The following PRSS3 variants were observed in gnomAD, a reference collection of about 807,000 sequenced individuals.
PRSS3 encodes the protein trypsin-3.
Under a neutral mutation model 20.8 loss-of-function variants are expected in PRSS3, and 14 were observed. The observed-to-expected ratio is 0.67, with a 90% CI of 0.44 to 1.05. PRSS3 has a LOEUF of 1.05. PRSS3 is among the 50% of genes least tolerant of loss of function. PRSS3 has a pLI of 0.00. For synonymous variants in PRSS3, 91 were observed against 117.6 expected (o/e 0.77, Z 1.46); for missense variants, 237 against 306.4 (o/e 0.77, Z 1.69).
At chr9:33,775,848 G>A (rs1324383452) in intron 1 of PRSS3, among the ~76,000 whole-genome samples, 1 of 151,740 alleles carries the variant, frequency 6.6e-6, no homozygotes, top group Non-Finnish European at 1.5e-5. Context: ...GATTACAGGC[G>A]CCCACTACCA....
At chr9:33,781,664 A>G (rs996412418) in intron 1 of PRSS3, among the ~76,000 whole-genome samples, 3 of 152,244 alleles carry the variant, frequency 2.0e-5, no homozygotes, top group African/African-American at 7.2e-5. Flanking sequence ...GGAATTTTAA[A>G]AAGACTAAAT....
In PRSS3 at chr9:33,771,629, G is replaced by GTT. The variant is rs1215528117; in HGVS notation, c.-53+20908_-53+20909dup. Among the ~76,000 whole-genome samples, 64 of 115,212 alleles carry GTT rather than the reference G, an allele frequency of 5.6e-4. 1 individual carries two copies. The highest frequency in any genetic ancestry group is 7.4e-4 in the African/African-American group (21 of 28,510). The allele number at this position is 115,212 out of a possible 152,430, so 75.6% of individuals were successfully genotyped here. A position where few individuals can be genotyped will look rare whatever the true frequency, so the allele number is the denominator to read the frequency against. ...GGCATGAGCCACTGCACTGGGTTTT[G>GTT]TTTTTTTGTTTTTTTGTTTTTTTTT... On this transcript the variant is annotated intron_variant, in intron 1 of 5. Coordinates refer to the PRSS3 transcript ENST00000342836.
At chr9:33,777,883 T>C (rs1173571623) in intron 1 of PRSS3, among the ~76,000 whole-genome samples, 2 of 152,108 alleles carry the variant, frequency 1.3e-5, no homozygotes, top group African/African-American at 4.8e-5. Context: ...ATACAGTAAG[T>C]AGACAAATAG....
intron 1 of PRSS3, among the ~76,000 whole-genome samples, chr9:33,755,870 G>A (rs897187413): frequency 2.0e-4 from 31 of 152,296 alleles, no homozygotes; most frequent in African/African-American, 6.5e-4. Context: ...AATTTTCTAA[G>A]CACATCTGAA....
At chr9:33,777,531 C>CAAAAAAAAAAAAAAAAAAAAAAAAAAA (rs74180503) in intron 1 of PRSS3, among the ~76,000 whole-genome samples, 1 of 101,874 alleles carries the variant, frequency 9.8e-6, no homozygotes, top group Non-Finnish European at 1.9e-5. Flanking sequence ...CTAAAAATAC[C>CAAAAAAAAAAAAAAAAAAAAAAAAAAA]AAAAAAAAAA....
chr9:33,779,355 T>C (rs527956078), intron 1 of PRSS3, among the ~76,000 whole-genome samples: 1 of 152,260 alleles, frequency 6.6e-6, no homozygotes, highest in East Asian at 1.9e-4. Context: ...GGTAAAATGA[T>C]CCAAGAACTG....
intron 1 of PRSS3, among the ~76,000 whole-genome samples, chr9:33,789,981 G>T (rs570611852): frequency 1.3e-5 from 2 of 152,048 alleles, no homozygotes; most frequent in Non-Finnish European, 2.9e-5. Flanking sequence ...AGAAAGTGAT[G>T]CAATTATCTG....
chr9:33,792,832 C>T (rs2006226), upstream of PRSS3, among the ~76,000 whole-genome samples: 1,252 of 152,292 alleles, frequency 8.2e-3, 13 homozygotes, highest in African/African-American at 0.028. Flanking sequence ...TCACTGTTAT[C>T]AAAATTGAAG....
rs552189074 is a variant in PRSS3, at chr9:33,776,949, T to C, written c.-52-17797T>C. On this transcript the variant is annotated intron_variant, in intron 1 of 5. Transcript: ENST00000342836. ...TAATTAAAAAGTATATTGAAAGATA[T>C]AAAAAGAATTTCAGAAAAATAATCT... 1.8e-4 allele frequency among the ~76,000 whole-genome samples: 28 copies of C among 152,162 alleles called. 1 individual carries two copies. The South Asian group carries it at 5.8e-3, about 32-fold the overall frequency.
Position 33,750,852 on chromosome 9 carries a change from G to A in PRSS3, c.-53+125G>A. On this transcript the variant is annotated intron_variant, in intron 1 of 5. Coordinates refer to the PRSS3 transcript ENST00000342836. This position sits in a 1 kb window ranked among gnomAD's most constrained non-coding sequence, Gnocchi z 4.8. ...GACTCGCATGGGACCTGCGGGGGAG[G>A]GTACGCGGACAGGGAGGGGATACCG... 1 of 1,385,020 alleles carries A rather than the reference G, an allele frequency of 7.2e-7. No homozygotes were observed. The highest frequency in any genetic ancestry group is 9.3e-7 in the Non-Finnish European group (1 of 1,076,352). The allele number at this position is 1,385,020 out of a possible 1,614,324, so 85.8% of individuals were successfully genotyped here. A position where few individuals can be genotyped will look rare whatever the true frequency, so the allele number is the denominator to read the frequency against.
chr9:33,773,983 C>T (rs1823814524), intron 1 of PRSS3, among the ~76,000 whole-genome samples: 1 of 152,120 alleles, frequency 6.6e-6, no homozygotes, highest in Non-Finnish European at 1.5e-5. Flanking sequence ...GTAAGTTTGT[C>T]CTTAGATTGA....
intron 1 of PRSS3, among the ~76,000 whole-genome samples, chr9:33,780,863 T>C (rs1342219799): frequency 6.6e-6 from 1 of 152,180 alleles, no homozygotes; most frequent in Non-Finnish European, 1.5e-5. Context: ...CATCCAACAT[T>C]GGAGCACCCA....
chr9:33,785,468 C>T (rs1470052019), intron 1 of PRSS3, among the ~76,000 whole-genome samples: 5 of 152,072 alleles, frequency 3.3e-5, no homozygotes, highest in Non-Finnish European at 7.3e-5. Flanking sequence ...TGAGCCACCG[C>T]GCCCGGCCCA....
chr9:33,761,723 A>G (rs1823216904), intron 1 of PRSS3, among the ~76,000 whole-genome samples: 1 of 151,632 alleles, frequency 6.6e-6, no homozygotes, highest in Admixed American at 6.6e-5. Flanking sequence ...AAAATAAAAT[A>G]AAATAATTAG....
intron 1 of PRSS3, among the ~76,000 whole-genome samples, chr9:33,765,806 A>G (rs1194440045): frequency 6.6e-6 from 1 of 152,238 alleles, no homozygotes; most frequent in East Asian, 1.9e-4. Flanking sequence ...AAATCCATGG[A>G]TAAGGGGAGA....
upstream of PRSS3, among the ~76,000 whole-genome samples, chr9:33,794,133 G>C (rs532870160): frequency 5.9e-5 from 9 of 152,332 alleles, no homozygotes; most frequent in South Asian, 1.0e-3. Flanking sequence ...ATTCCCTCTG[G>C]TTTCCATTTG....
At chr9:33,751,378 C>T (rs965107131) in intron 1 of PRSS3, among the ~76,000 whole-genome samples, 1 of 152,142 alleles carries the variant, frequency 6.6e-6, no homozygotes, top group Non-Finnish European at 1.5e-5. Context: ...TGGATGGAAG[C>T]GGATGTCAGG....
rs74180504 is a variant in PRSS3 at position 33,785,160 on chromosome 9, A to ATTTTTTTTTTTTTTT, written c.-52-9565_-52-9551dup. Among the ~76,000 whole-genome samples, 75 of 72,470 alleles carry ATTTTTTTTTTTTTTT rather than the reference A, an allele frequency of 1.0e-3. 3 individuals are homozygous for ATTTTTTTTTTTTTTT. Among genetic ancestry groups the ATTTTTTTTTTTTTTT allele is most frequent in the African/African-American group, 1.6e-3 (21 of 13,314 alleles). The allele number at this position is 72,470 out of a possible 152,430, so 47.5% of individuals were successfully genotyped here. On this transcript the variant is annotated intron_variant, in intron 1 of 5. Transcript: ENST00000342836. ...GAAAAAGATCATAGCATTGTGGTCA[A>ATTTTTTTTTTTTTTT]TTTTTTTTTTTTTTTTTTTTTTTTT...
At chr9:33,779,253 T>A (rs1824072534) in intron 1 of PRSS3, among the ~76,000 whole-genome samples, 1 of 152,126 alleles carries the variant, frequency 6.6e-6, no homozygotes, top group Admixed American at 6.5e-5. Context: ...ATAGCTGAAA[T>A]GACAAACACA....
Sources: gnomAD v4.1 joint callset for allele counts (sites outside exome capture counted in the v4.1 genomes callset) on GRCh38, gnomAD v4.1.1 for gene constraint, Gnocchi (gnomAD v3.1) non-coding constraint, MANE v1.5 for transcripts, NCBI Gene and HGNC (gene_info 2026-07-23, HGNC 2026-07-21) for gene names.